The following RTEL1 variants were observed in gnomAD, a reference collection of about 807,000 sequenced individuals.
RTEL1 encodes regulator of telomere elongation helicase 1.
In RTEL1, 86 loss-of-function variants were observed where a neutral mutation model predicts 162.2. The observed-to-expected ratio is 0.53, with a 90% confidence interval of 0.45 to 0.63. The LOEUF (loss-of-function observed/expected upper bound fraction) is 0.63. Ranked by LOEUF, RTEL1 falls within the 30% of genes least tolerant of loss-of-function variation. RTEL1 has a pLI of 0.00. For synonymous variants in RTEL1, 958 were observed against 717.9 expected (o/e 1.33, Z -5.35); for missense variants, 1,941 against 1,750.2 (o/e 1.11, Z -1.95).
At position 63,659,423 on chromosome 20, in the gene RTEL1, T is replaced by C. The variant is rs1331369708; in HGVS notation, c.21T>C (p.Asn7=). The C allele has an allele frequency of 6.2e-7, 1 of 1,614,076 alleles. No individual in the cohort carries two copies. Among genetic ancestry groups the C allele is most frequent in the Admixed American group, 1.7e-5 (1 of 60,022 alleles). The change falls in exon 2 of 35, where the codon AAT becomes AAC. Residue 7 remains asparagine, a synonymous_variant. Coordinates refer to ENST00000360203, the MANE Select transcript of RTEL1 (RefSeq NM_001283009.2). The part of the protein sequence containing the change: MPKIVL[N]GVTVDFPFQP... ...CTGATATGCCCAAGATAGTCCTGAA[T>C]GGTGTGACCGTAGACTTCCCTTTCC...
chr20:63,695,994 CGGGG>C lies in RTEL1; in HGVS notation c.*137_*140del. ...TGGCCCGCTGCAGGCCTCAGGCAGGCGGGGCCCATGGTTGGTCCCTGCGGTGGGA... is the reference window on the plus strand; with the variant it reads ...TGGCCCGCTGCAGGCCTCAGGCAGGCCCCATGGTTGGTCCCTGCGGTGGGA... On this transcript the variant is annotated 3_prime_UTR_variant, in exon 35 of 35. Coordinates refer to ENST00000360203, the MANE Select transcript of RTEL1 (RefSeq NM_001283009.2). The C allele has an allele frequency of 1.2e-6, 1 of 862,000 alleles. No individual in the cohort carries two copies. The highest frequency in any genetic ancestry group is 1.8e-6 in the Non-Finnish European group (1 of 566,412). 53.4% of individuals were successfully genotyped at this position (862,000 alleles called of 1,614,324 possible).
At chr20:63,691,316 C>A (rs2090736626) in intron 27 of RTEL1, among the ~76,000 whole-genome samples, 2 of 152,146 alleles carry the variant, frequency 1.3e-5, no homozygotes, top group African/African-American at 4.8e-5. Flanking sequence ...CAGGTTCCTT[C>A]TTCCTTGGGG....
intron 12 of RTEL1, among the ~76,000 whole-genome samples, chr20:63,679,461 C>T (rs1286827697): frequency 1.3e-5 from 2 of 148,322 alleles, no homozygotes; most frequent in South Asian, 4.2e-4. Flanking sequence ...AACCTCTTGA[C>T]GACCCCCTAG....
chr20:63,661,847 C>T lies in RTEL1; in HGVS notation c.302-3C>T, dbSNP rs1417537895. On this transcript the variant is annotated splice_polypyrimidine_tract_variant and splice_region_variant and intron_variant, in intron 3 of 34. Transcript: ENST00000360203. The surrounding 1 kb of genome is among the most constrained non-coding windows in gnomAD (Gnocchi z 5.1). ...ACTTCTGTGCTTGCTTGTGTCTGGTCAGCTTGCTACACGGACATCCCAAAG... is the reference window on the plus strand; with the variant it reads ...ACTTCTGTGCTTGCTTGTGTCTGGTTAGCTTGCTACACGGACATCCCAAAG... 1.2e-6 allele frequency: 2 copies of T among 1,613,722 alleles called. No homozygotes were observed. Among genetic ancestry groups the T allele is most frequent in the South Asian group, 1.1e-5 (1 of 91,064 alleles).
intron 6 of RTEL1, 150 bp downstream of exon 6, chr20:63,663,039 C>T (rs2090052203): frequency 1.1e-5 from 8 of 731,072 alleles, no homozygotes; most frequent in Non-Finnish European, 4.8e-6. Context: ...CTCGGGGCCA[C>T]CCATGTTAGA....
intron 8 of RTEL1, among the ~76,000 whole-genome samples, chr20:63,671,482 T>C (rs2090240214): frequency 2.0e-5 from 3 of 151,886 alleles, no homozygotes; most frequent in Admixed American, 2.0e-4. Context: ...CATCTTAATG[T>C]GTGAAATTTT....
Position 63,678,627 on chromosome 20 carries a change from CGAACAGCACACACACTCCCACG to C in RTEL1, c.1037+297_1037+318del, listed in dbSNP as rs1198572438. 5.0e-3 allele frequency among the ~76,000 whole-genome samples: 661 copies of C among 133,268 alleles called. 16 individuals carry two copies. The highest frequency in any genetic ancestry group is 0.018 in the African/African-American group (603 of 34,250). 87.4% of individuals were successfully genotyped at this position (133,268 alleles called of 152,430 possible). A position where few individuals can be genotyped will look rare whatever the true frequency, so the allele number is the denominator to read the frequency against. On this transcript the variant is annotated intron_variant, in intron 12 of 34. Transcript: ENST00000360203. Reference sequence around the variant, plus strand: ...CCCACGAACAGCACACACACTCCCACGAACAGCACACACACTCCCACGGAACAGCACACACACCCACGGAACG... The same window carrying C: ...CCCACGAACAGCACACACACTCCCACGAACAGCACACACACCCACGGAACG...
chr20:63,688,159 C>T lies in RTEL1; in HGVS notation c.1616C>T (p.Ser539Phe), dbSNP rs909417142. 4 of 1,612,236 alleles carry T rather than the reference C, an allele frequency of 2.5e-6. No individual in the cohort carries two copies. The highest frequency in any genetic ancestry group is 1.3e-5 in the African/African-American group (1 of 74,912). The change falls in exon 19 of 35, where the codon TCC (serine) becomes TTC (phenylalanine). Residue 539 changes from serine (S) to phenylalanine (F), a missense_variant. Ser to Phe is a radical substitution (Grantham distance 155). Coordinates refer to ENST00000360203, the MANE Select transcript of RTEL1 (RefSeq NM_001283009.2). The part of the protein sequence containing the change: ...FDRRFSEECL[S>F]SLGKALGNIA... ...TCTAGGTTTTCCGAGGAGTGCTTAT[C>T]CTCCCTGGGGAAGGCTCTGGGTGAG... is the stretch of plus-strand genomic sequence containing the variant.
intron 21 of RTEL1, 34 bp from the exon 22 acceptor site, chr20:63,689,021 G>GA: frequency 6.3e-7 from 1 of 1,577,480 alleles, no homozygotes. Flanking sequence ...CTGGGGGGGG[G>GA]CTCCAGGCTC....
intron 14 of RTEL1, chr20:63,682,575 C>T: frequency 3.0e-6 from 3 of 985,956 alleles, no homozygotes; most frequent in Non-Finnish European, 3.6e-6. Flanking sequence ...TGGTGGATGA[C>T]TCAGCTTCTG....
At chr20:63,673,776 A>G (rs748489102) in intron 9 of RTEL1, among the ~76,000 whole-genome samples, 164 bp from the exon 10 acceptor site, 3 of 152,194 alleles carry the variant, frequency 2.0e-5, no homozygotes, top group Non-Finnish European at 2.9e-5. Flanking sequence ...TGGGCCACAC[A>G]GTCATGTTTG....
rs527722896 is a variant in RTEL1, at chr20:63,691,625, G to A, written c.2557-117G>A. On this transcript the variant is annotated intron_variant, in intron 27 of 34. Transcript: ENST00000360203. ...GGGGTGTGCTGTGCCCCCCTCCCCC[G>A]ACCTCCATCTTGGCTCAGGGCTCCT... 1,414 of 838,982 alleles carry A rather than the reference G, an allele frequency of 1.7e-3. 17 individuals are homozygous for A. The highest frequency in any genetic ancestry group is 0.013 in the Middle Eastern group (56 of 4,342). The allele number at this position is 838,982 out of a possible 1,614,324, so 52.0% of individuals were successfully genotyped here. A position where few individuals can be genotyped will look rare whatever the true frequency, so the allele number is the denominator to read the frequency against.
At chr20:63,662,053 T>G in intron 4 of RTEL1, 110 bp downstream of exon 4, 1 of 895,668 alleles carries the variant, frequency 1.1e-6, no homozygotes. Flanking sequence ...GTGGTCTTTC[T>G]AGACGCTCCC....
rs2090927100 is a variant in RTEL1, at chr20:63,694,731, C to T, written c.3110-10C>T. ...CAGCGCCACTCTGAGCCATGCTACT[C>T]CCACACCAGGAGACCCTGGCAGCCA... On this transcript the variant is annotated splice_polypyrimidine_tract_variant and intron_variant, in intron 31 of 34. Coordinates refer to ENST00000360203, the MANE Select transcript of RTEL1 (RefSeq NM_001283009.2). 1.3e-6 allele frequency: 2 copies of T among 1,592,432 alleles called. No individual in the cohort carries two copies. Among genetic ancestry groups the T allele is most frequent in the South Asian group, 2.2e-5 (2 of 90,242 alleles).
intron 7 of RTEL1, among the ~76,000 whole-genome samples, chr20:63,667,128 C>T (rs574272203): frequency 2.0e-4 from 31 of 152,284 alleles, no homozygotes; most frequent in South Asian, 8.3e-4. Flanking sequence ...AGTGAGCCAC[C>T]GCGCCCGGCC....
intron 26 of RTEL1, 42 bp downstream of exon 26, chr20:63,690,483 GAGCGGGCGGCGT>G: frequency 7.8e-7 from 1 of 1,281,038 alleles, no homozygotes; most frequent in Non-Finnish European, 1.1e-6. Context: ...GGGGGTGGCG[GAGCGGGCGGCGT>G]GGGGCGGGCA....
At position 63,675,502 on chromosome 20, in the gene RTEL1, TTATATA is replaced by T. The variant is rs11468552; in HGVS notation, c.919+1422_919+1427del. On this transcript the variant is annotated intron_variant, in intron 10 of 34. Transcript: ENST00000360203. ...CAGGTGTTCTGGCTTTAGAATCCCT[TTATATA>T]TATATATATATACATATATTTAAGT... 9.3e-5 allele frequency among the ~76,000 whole-genome samples: 14 copies of T among 150,510 alleles called. 1 individual carries two copies. The highest frequency in any genetic ancestry group is 3.9e-4 in the East Asian group (2 of 5,080).
intron 15 of RTEL1, 54 bp downstream of exon 15, chr20:63,685,651 G>A: frequency 1.9e-6 from 3 of 1,593,842 alleles, no homozygotes; most frequent in Admixed American, 1.8e-5. Context: ...CCCCGGCAGG[G>A]CTGGGGGCCT....
chr20:63,688,952 A>G (rs1400719855), intron 21 of RTEL1, 103 bp from the exon 22 acceptor site: 3 of 1,052,050 alleles, frequency 2.9e-6, no homozygotes, highest in Non-Finnish European at 2.9e-6. Context: ...CTTCCTGGCT[A>G]GGACGATCCT....
Sources: allele counts gnomAD v4.1 joint callset (sites outside exome capture counted in the v4.1 genomes callset), GRCh38; gene constraint gnomAD v4.1.1; non-coding constraint Gnocchi (gnomAD v3.1); transcripts MANE v1.5; gene names NCBI Gene and HGNC (gene_info 2026-07-23, HGNC 2026-07-21).